Variants in NDC1 observed in about 807,000 individuals in gnomAD.
The protein encoded by NDC1 is NDC1 transmembrane nucleoporin.
In NDC1, 24 loss-of-function variants were observed where a neutral mutation model predicts 89.8. That is an observed-to-expected ratio of 0.27 (90% CI 0.19 to 0.38). The LOEUF (loss-of-function observed/expected upper bound fraction) is 0.38. NDC1 is among the 10% of genes least tolerant of loss of function. NDC1 has a pLI of 1.00. For synonymous variants in NDC1, 296 were observed against 284.8 expected (o/e 1.04, Z -0.39); for missense variants, 728 against 797.6 (o/e 0.91, Z 1.05).
At chr1:53,829,372 A>AT (rs1648978240) in intron 3 of NDC1, among the ~76,000 whole-genome samples, 1 of 152,210 alleles carries the variant, frequency 6.6e-6, no homozygotes, top group South Asian at 2.1e-4. Flanking sequence ...TCATGTCACT[A>AT]AGCCTTTTTA....
chr1:53,783,842 C>A (rs967745208), intron 16 of NDC1, among the ~76,000 whole-genome samples: 5 of 152,182 alleles, frequency 3.3e-5, no homozygotes, highest in Admixed American at 3.3e-4. Flanking sequence ...GGACCACGAG[C>A]CAAATTAAGT....
chr1:53,830,754 C>T (rs1649033010), intron 3 of NDC1, among the ~76,000 whole-genome samples: 1 of 151,492 alleles, frequency 6.6e-6, no homozygotes, highest in Non-Finnish European at 1.5e-5. Context: ...CCCAGCTACT[C>T]AGGAGGCTGA....
At chr1:53,824,188 C>G (rs1308669570) in intron 5 of NDC1, among the ~76,000 whole-genome samples, 1 of 147,366 alleles carries the variant, frequency 6.8e-6, no homozygotes, top group Admixed American at 6.9e-5. Flanking sequence ...GAGCGATGAT[C>G]GTGCTACTGC....
At chr1:53,774,273 T>G (rs1310836833) in intron 16 of NDC1, among the ~76,000 whole-genome samples, 4 of 152,188 alleles carry the variant, frequency 2.6e-5, no homozygotes, top group African/African-American at 9.6e-5. Context: ...TCACTGAATT[T>G]CAACTACTAC....
chr1:53,784,224 TACACAC>T (rs66868896), intron 16 of NDC1, among the ~76,000 whole-genome samples: 1,706 of 149,480 alleles, frequency 0.011, 36 homozygotes, highest in African/African-American at 0.04. Flanking sequence ...TTCTGTTATC[TACACAC>T]ACACACACAC....
intron 16 of NDC1, among the ~76,000 whole-genome samples, chr1:53,783,616 A>G (rs1647238585): frequency 6.6e-6 from 1 of 152,176 alleles, no homozygotes; most frequent in African/African-American, 2.4e-5. Flanking sequence ...TTAATCCCCA[A>G]TGCAGCAGTG....
Position 53,777,251 on chromosome 1 carries a change from T to C in NDC1, c.1801-4762A>G, listed in dbSNP as rs193190787. ...CTTGACCAAGCTGGTCTTGAACTCC[T>C]GGCTTCAGGCAATCCTCCCACCTCA... On this transcript the variant is annotated intron_variant, in intron 16 of 17. Transcript: ENST00000371429. 9.9e-5 allele frequency among the ~76,000 whole-genome samples: 15 copies of C among 152,260 alleles called. No individual in the cohort carries two copies. In the East Asian group the frequency reaches 2.9e-3, roughly 29 times the overall value.
At chr1:53,793,794 TTGCCCAGGC>T (rs1199501359) in intron 13 of NDC1, among the ~76,000 whole-genome samples, 1 of 152,042 alleles carries the variant, frequency 6.6e-6, no homozygotes, top group Non-Finnish European at 1.5e-5. Flanking sequence ...TCTCACCATC[TTGCCCAGGC>T]TGGTCTCAAA....
At chr1:53,796,580 T>TTAA in intron 13 of NDC1, 109 bp downstream of exon 13, 3 of 430,488 alleles carry the variant, frequency 7.0e-6, no homozygotes, top group South Asian at 8.6e-5. Context: ...ACACGAAGCA[T>TTAA]AAAAAAAAAA....
rs192838695 is a variant in NDC1 at position 53,831,203 on chromosome 1, C to T, written c.280+1287G>A. ...TCGCGCCACTGCACTCCAGCCTGGGCGACAGAGCAAGACTCCGTCTCAAAA... is the reference window on the plus strand; with the variant it reads ...TCGCGCCACTGCACTCCAGCCTGGGTGACAGAGCAAGACTCCGTCTCAAAA... On this transcript the variant is annotated intron_variant, in intron 3 of 17. Coordinates refer to ENST00000371429, the MANE Select transcript of NDC1 (RefSeq NM_018087.5). Among the ~76,000 whole-genome samples, 4 of 150,374 alleles carry T rather than the reference C, an allele frequency of 2.7e-5. No individual in the cohort carries two copies. In the South Asian group the frequency reaches 6.4e-4, roughly 24 times the overall value.
intron 5 of NDC1, among the ~76,000 whole-genome samples, chr1:53,824,589 C>T (rs1052330109): frequency 4.6e-5 from 7 of 152,150 alleles, no homozygotes; most frequent in South Asian, 4.1e-4. Flanking sequence ...TAGAATTGTG[C>T]GAATGAGGAG....
Position 53,766,846 on chromosome 1 carries a change from G to A in NDC1, c.*1124C>T, listed in dbSNP as rs1038427468. The A allele has an allele frequency of 6.6e-6, 1 of 152,196 alleles. No individual in the cohort carries two copies. The allele number at this position is 152,196 out of a possible 1,614,324, so 9.4% of individuals were successfully genotyped here. ...CAAAGCCAGTCCAGTGAATATCTAT[G>A]ACTAGGATTTCCAATCTTTGATCTC... On this transcript the variant is annotated 3_prime_UTR_variant, in exon 18 of 18. Coordinates refer to ENST00000371429, the MANE Select transcript of NDC1 (RefSeq NM_018087.5).
Position 53,803,999 on chromosome 1 carries a change from A to G in NDC1, c.995T>C (p.Leu332Ser). ...TTGAGAAAGCAACATCAGGTCCTGCAAGGCTAAATACTAACAGGGGGAAAA... is the reference window on the plus strand; with the variant it reads ...TTGAGAAAGCAACATCAGGTCCTGCGAGGCTAAATACTAACAGGGGGAAAA... Reference protein sequence around the residue: ...NPPPIIKYLALQDLMLLSQYS... With the variant: ...NPPPIIKYLASQDLMLLSQYS... Residue 332 changes from leucine to serine, a missense_variant, in exon 10 of 18, where the codon TTG becomes TCG. By Grantham distance (145) the Leu-to-Ser change is moderately radical. Transcript: ENST00000371429. 1 of 1,613,598 alleles carries G rather than the reference A, an allele frequency of 6.2e-7. No individual in the cohort carries two copies. The highest frequency in any genetic ancestry group is 1.1e-5 in the South Asian group (1 of 91,062).
At chr1:53,807,541 C>A in intron 8 of NDC1, 115 bp downstream of exon 8, 3 of 804,768 alleles carry the variant, frequency 3.7e-6, no homozygotes, top group South Asian at 2.3e-5. Context: ...GAAGAGAGAC[C>A]AAAAACCAGC....
At chr1:53,804,837 C>T (rs530519022) in intron 9 of NDC1, among the ~76,000 whole-genome samples, 6 of 151,808 alleles carry the variant, frequency 4.0e-5, no homozygotes, top group East Asian at 1.9e-4. Flanking sequence ...AACCCCTTTA[C>T]TCATCCTTCA....
At chr1:53,776,697 C>G (rs1570157136) in intron 16 of NDC1, among the ~76,000 whole-genome samples, 1 of 152,034 alleles carries the variant, frequency 6.6e-6, no homozygotes, top group South Asian at 2.1e-4. Context: ...AATTTTCTTC[C>G]CTTTACCATG....
At chr1:53,824,432 T>C (rs942648082) in intron 5 of NDC1, among the ~76,000 whole-genome samples, 1 of 152,116 alleles carries the variant, frequency 6.6e-6, no homozygotes, top group African/African-American at 2.4e-5. Context: ...CACATTCTTA[T>C]ATGTTATACT....
chr1:53,821,975 C>A (rs1167594325), intron 5 of NDC1, among the ~76,000 whole-genome samples: 1 of 152,086 alleles, frequency 6.6e-6, no homozygotes, highest in Non-Finnish European at 1.5e-5. Context: ...TATTTTTGTT[C>A]CTGTTCTTTT....
chr1:53,776,654 A>T (rs2100623103), intron 16 of NDC1, among the ~76,000 whole-genome samples: 1 of 152,310 alleles, frequency 6.6e-6, no homozygotes, highest in Middle Eastern at 3.4e-3. Context: ...TTTGTCTTCC[A>T]ATGTGTCTCA....
Sources: allele counts gnomAD v4.1 joint callset (sites outside exome capture counted in the v4.1 genomes callset), GRCh38; gene constraint gnomAD v4.1.1; transcripts MANE v1.5; gene names NCBI Gene and HGNC (gene_info 2026-07-23, HGNC 2026-07-21).